CNTN4: variants seen among roughly 807,000 people sequenced by gnomAD.
CNTN4 encodes the protein contactin 4.
CNTN4 carries 77 observed loss-of-function variants against 122.5 expected under a neutral mutation model. The ratio of observed to expected loss-of-function variants is 0.63; its 90% CI spans 0.52 to 0.76. The LOEUF is 0.76. Ranked by LOEUF, CNTN4 falls within the 30% of genes least tolerant of loss-of-function variation. The pLI, the probability that CNTN4 is intolerant of heterozygous loss-of-function variation, is 0.00. For missense variants in CNTN4, 1,256 were observed against 1,259.1 expected, an observed-to-expected ratio of 1.00 and a Z score of 0.04; for synonymous variants, 512 against 447.0, an observed-to-expected ratio of 1.15 and a Z score of -1.83.
At chr3:2,591,536 T>A (rs2080487184) in intron 4 of CNTN4, among the ~76,000 whole-genome samples, 2 of 87,478 alleles carry the variant, frequency 2.3e-5, no homozygotes, top group East Asian at 2.6e-4. Flanking sequence ...GGCTAATTTT[T>A]TGTATTTTTA....
intron 6 of CNTN4, among the ~76,000 whole-genome samples, chr3:2,803,751 G>T (rs1451770683): frequency 1.3e-5 from 2 of 151,728 alleles, no homozygotes; most frequent in Non-Finnish European, 2.9e-5. Flanking sequence ...CAGTAGAGAC[G>T]AGTTTCACCA....
intron 10 of CNTN4, among the ~76,000 whole-genome samples, chr3:2,893,608 G>GA (rs1214851214): frequency 6.6e-6 from 1 of 152,068 alleles, no homozygotes; most frequent in South Asian, 2.1e-4. Context: ...ATAATAGAGA[G>GA]AATTAATACA....
At chr3:2,119,150 A>G (rs1250902817) in intron 2 of CNTN4, among the ~76,000 whole-genome samples, 2 of 152,230 alleles carry the variant, frequency 1.3e-5, no homozygotes, top group Non-Finnish European at 2.9e-5. Flanking sequence ...AGGAGAAAGA[A>G]TTCTGCTAGC....
chr3:3,034,568 G>A, intron 16 of CNTN4, 64 bp from the exon 17 acceptor site: 1 of 1,519,544 alleles, frequency 6.6e-7, no homozygotes, highest in Non-Finnish European at 9.1e-7. Flanking sequence ...ATTCAAGTAT[G>A]TGGCTCCTTT....
rs189859125 is a variant in CNTN4 at position 2,499,300 on chromosome 3, C to G, written c.-88-72116C>G. Among the ~76,000 whole-genome samples, 9 of 152,320 alleles carry G rather than the reference C, an allele frequency of 5.9e-5. No homozygotes were observed. The East Asian group carries it at 1.7e-3, about 29-fold the overall frequency. On this transcript the variant is annotated intron_variant, in intron 3 of 24. Transcript: ENST00000418658. The stretch of plus-strand genomic sequence containing the variant: ...ACCATTTGCTGAAAAGCCTATCCTT[C>G]TGCTATTATATTGCTTTTGTACCTT...
At chr3:2,701,021 C>T (rs2086329723) in intron 4 of CNTN4, among the ~76,000 whole-genome samples, 1 of 152,158 alleles carries the variant, frequency 6.6e-6, no homozygotes, top group East Asian at 1.9e-4. Flanking sequence ...TACAATAATG[C>T]TTCACACCAG....
At chr3:2,699,062 A>G (rs1407921114) in intron 4 of CNTN4, among the ~76,000 whole-genome samples, 1 of 152,048 alleles carries the variant, frequency 6.6e-6, no homozygotes, top group Non-Finnish European at 1.5e-5. Context: ...GATTGTTAGT[A>G]TACCTGTCCC....
chr3:2,363,715 CT>C (rs1219055696), intron 3 of CNTN4, among the ~76,000 whole-genome samples: 2 of 152,096 alleles, frequency 1.3e-5, no homozygotes, highest in African/African-American at 4.8e-5. Context: ...ATCTTTCCTC[CT>C]TTTATAGACT....
intron 2 of CNTN4, among the ~76,000 whole-genome samples, chr3:2,298,963 T>G (rs1245923875): frequency 2.6e-5 from 4 of 152,158 alleles, no homozygotes; most frequent in African/African-American, 4.8e-5. Flanking sequence ...ATTTTGATAA[T>G]CTTCTTTTAG....
At chr3:2,412,248 CA>C (rs1487231584) in intron 3 of CNTN4, among the ~76,000 whole-genome samples, 1 of 151,672 alleles carries the variant, frequency 6.6e-6, no homozygotes, top group Non-Finnish European at 1.5e-5. Context: ...AGCAAATTTA[CA>C]AATACTTTTT....
chr3:2,456,405 C>G (rs1464452086), intron 3 of CNTN4, among the ~76,000 whole-genome samples: 1 of 152,076 alleles, frequency 6.6e-6, no homozygotes, highest in Non-Finnish European at 1.5e-5. Context: ...ATAAACAATT[C>G]AGTGGCATTT....
At chr3:3,054,511 G>A (rs913341499) in intron 24 of CNTN4, among the ~76,000 whole-genome samples, 1 of 152,146 alleles carries the variant, frequency 6.6e-6, no homozygotes, top group African/African-American at 2.4e-5. Flanking sequence ...GAATAGCATG[G>A]GAGAATAGCA....
chr3:2,228,215 C>G (rs1338253580), intron 2 of CNTN4, among the ~76,000 whole-genome samples: 2 of 150,938 alleles, frequency 1.3e-5, no homozygotes, highest in African/African-American at 2.4e-5. Flanking sequence ...CCATAGCCCA[C>G]TGGCCAGATT....
intron 2 of CNTN4, among the ~76,000 whole-genome samples, chr3:2,234,647 G>A (rs982399157): frequency 3.3e-5 from 5 of 152,142 alleles, no homozygotes; most frequent in Admixed American, 3.3e-4. Flanking sequence ...TCTTTAGCAT[G>A]AGGCAGATGC....
rs1055160980 is a variant in CNTN4, at chr3:2,763,806, A to G, written c.358+18109A>G. Among the ~76,000 whole-genome samples the G allele has an allele frequency of 3.9e-5, 6 of 152,042 alleles. No individual in the cohort carries two copies. The East Asian group carries it at 1.2e-3, about 29-fold the overall frequency. On this transcript the variant is annotated intron_variant, in intron 6 of 24. Transcript: ENST00000418658. ...GAGATCGTTGCAGGTGTGCAGTCTT[A>G]TTTCTGGGTTCTCTATTCTGTTCCA...
intron 13 of CNTN4, among the ~76,000 whole-genome samples, chr3:2,951,243 T>C (rs146519338): frequency 2.0e-5 from 3 of 152,298 alleles, no homozygotes; most frequent in East Asian, 3.9e-4. Flanking sequence ...AGACAATTTT[T>C]CCACAGATGG....
chr3:2,479,567 C>T (rs529786394), intron 3 of CNTN4, among the ~76,000 whole-genome samples: 3 of 152,258 alleles, frequency 2.0e-5, no homozygotes, highest in Admixed American at 1.3e-4. Context: ...GAAACTTACG[C>T]GATGCCCGGG....
chr3:2,339,286 C>T (rs1266171872), intron 3 of CNTN4, 53 bp downstream of exon 3: 1 of 152,124 alleles, frequency 6.6e-6, no homozygotes, highest in Non-Finnish European at 1.5e-5. Context: ...CCTTGATTAG[C>T]ATCCTTAGTT....
chr3:2,469,513 C>G (rs2075613075), intron 3 of CNTN4, among the ~76,000 whole-genome samples: 2 of 152,128 alleles, frequency 1.3e-5, no homozygotes, highest in South Asian at 4.1e-4. Context: ...TAGAATAACT[C>G]TTAAAAGGAA....
Sources: gnomAD v4.1 joint callset for allele counts (sites outside exome capture counted in the v4.1 genomes callset) on GRCh38, gnomAD v4.1.1 for gene constraint, MANE v1.5 for transcripts, NCBI Gene and HGNC (gene_info 2026-07-23, HGNC 2026-07-21) for gene names.